The following RBFOX1 variants were observed in gnomAD, a reference collection of about 807,000 sequenced individuals.
The protein encoded by RBFOX1 is RNA binding fox-1 homolog 1.
Under a neutral mutation model 57.7 loss-of-function variants are expected in RBFOX1, and 8 were observed. The observed-to-expected ratio is 0.14, with a 90% confidence interval of 0.08 to 0.25. RBFOX1 has a LOEUF of 0.25. Ranked by LOEUF, RBFOX1 falls within the 10% of genes least tolerant of loss-of-function variation. RBFOX1 has a pLI of 1.00. For missense variants in RBFOX1, 611 were observed against 548.5 expected, an observed-to-expected ratio of 1.11 and a Z score of -1.14; for synonymous variants, 326 against 222.4, an observed-to-expected ratio of 1.47 and a Z score of -4.15.
rs76431874 is a variant in RBFOX1, at chr16:7,106,796, C to T, written c.27+54698C>T. 3.2e-3 allele frequency among the ~76,000 whole-genome samples: 490 copies of T among 151,844 alleles called. 5 individuals are homozygous for T. Among genetic ancestry groups the T allele is most frequent in the African/African-American group, 0.011 (456 of 41,390 alleles). ...TTAGAGAGTGACGTGACCAGATGCC[C>T]TAAAAGGTGTCTGCTGGACAGCATT... On this transcript the variant is annotated intron_variant, in intron 4 of 15. Coordinates refer to ENST00000550418, the MANE Select transcript of RBFOX1 (RefSeq NM_018723.4).
At chr16:6,967,116 C>T (rs2084428234) in intron 3 of RBFOX1, among the ~76,000 whole-genome samples, 1 of 152,070 alleles carries the variant, frequency 6.6e-6, no homozygotes, top group Non-Finnish European at 1.5e-5. Flanking sequence ...CTCATTCATC[C>T]ATTACTTATC....
chr16:6,034,573 A>G (rs527751798), intron 1 of RBFOX1, among the ~76,000 whole-genome samples: 1 of 152,038 alleles, frequency 6.6e-6, no homozygotes, highest in Non-Finnish European at 1.5e-5. Flanking sequence ...TAAGGTTCCC[A>G]TCTAAGCATG....
chr16:5,913,823 C>T (rs763506260), intron 4 of RBFOX1, among the ~76,000 whole-genome samples: 3 of 152,238 alleles, frequency 2.0e-5, no homozygotes, highest in Admixed American at 2.0e-4. Context: ...TAACAGCTAA[C>T]ATTGTCTTCG....
intron 4 of RBFOX1, among the ~76,000 whole-genome samples, chr16:7,480,972 C>G (rs2063792925): frequency 6.6e-6 from 1 of 152,138 alleles, no homozygotes; most frequent in African/African-American, 2.4e-5. Flanking sequence ...TTTTCCACAG[C>G]TTATAGGGCT....
At chr16:7,222,126 G>C (rs932154640) in intron 4 of RBFOX1, among the ~76,000 whole-genome samples, 1 of 152,148 alleles carries the variant, frequency 6.6e-6, no homozygotes, top group Non-Finnish European at 1.5e-5. Flanking sequence ...GAGGATTTCA[G>C]CTAAAAAAAG....
intron 4 of RBFOX1, among the ~76,000 whole-genome samples, chr16:7,305,133 G>A (rs897354997): frequency 2.6e-5 from 4 of 152,020 alleles, no homozygotes; most frequent in African/African-American, 7.3e-5. Flanking sequence ...GTGTGTGTGC[G>A]TGTGTGGGTT....
chr16:7,153,551 T>G (rs1374149517), intron 4 of RBFOX1, among the ~76,000 whole-genome samples: 1 of 150,560 alleles, frequency 6.6e-6, no homozygotes, highest in African/African-American at 2.4e-5. Flanking sequence ...CCTGGCCAAA[T>G]AGTGAAACCC....
intron 4 of RBFOX1, among the ~76,000 whole-genome samples, chr16:7,076,882 C>A (rs547954088): frequency 6.6e-6 from 1 of 152,280 alleles, no homozygotes; most frequent in East Asian, 1.9e-4. Flanking sequence ...CTCTGGAGAC[C>A]AGTGAACAGA....
At chr16:7,093,967 A>G (rs1002121450) in intron 4 of RBFOX1, among the ~76,000 whole-genome samples, 3 of 151,758 alleles carry the variant, frequency 2.0e-5, no homozygotes, top group African/African-American at 7.3e-5. Context: ...TTTAAACAAA[A>G]CCTGGTGAGT....
chr16:6,455,834 T>G (rs1317048443), intron 2 of RBFOX1, among the ~76,000 whole-genome samples: 1 of 152,190 alleles, frequency 6.6e-6, no homozygotes, highest in African/African-American at 2.4e-5. Flanking sequence ...AAGGTGCAGA[T>G]TCAATAAACC....
chr16:7,102,564 G>T (rs545885427), intron 4 of RBFOX1, among the ~76,000 whole-genome samples: 2 of 152,274 alleles, frequency 1.3e-5, no homozygotes, highest in African/African-American at 2.4e-5. Context: ...GCTTGGATAT[G>T]GATCATTTGC....
At chr16:7,457,625 T>G (rs2058776510) in intron 4 of RBFOX1, among the ~76,000 whole-genome samples, 1 of 152,144 alleles carries the variant, frequency 6.6e-6, no homozygotes, top group Non-Finnish European at 1.5e-5. Context: ...CCTTGTGAAG[T>G]GTTTTAAATC....
chr16:5,859,191 C>T (rs957795608), intron 3 of RBFOX1, among the ~76,000 whole-genome samples: 14 of 152,102 alleles, frequency 9.2e-5, no homozygotes, highest in African/African-American at 2.7e-4. Context: ...GGCGACACAG[C>T]GAGACTCTGT....
At chr16:6,639,867 A>G (rs2098473084) in intron 2 of RBFOX1, among the ~76,000 whole-genome samples, 1 of 152,194 alleles carries the variant, frequency 6.6e-6, no homozygotes, top group South Asian at 2.1e-4. Flanking sequence ...CAACAGAGTG[A>G]GACTGTGTCT....
At chr16:7,151,476 A>T (rs2076095911) in intron 4 of RBFOX1, among the ~76,000 whole-genome samples, 1 of 152,110 alleles carries the variant, frequency 6.6e-6, no homozygotes, top group Non-Finnish European at 1.5e-5. Context: ...CTGAGTGCTG[A>T]CTTCATTCTG....
chr16:7,027,950 A>G (rs1220283050), intron 3 of RBFOX1, among the ~76,000 whole-genome samples: 1 of 151,326 alleles, frequency 6.6e-6, no homozygotes, highest in African/African-American at 2.4e-5. Context: ...AGAGAAGGGG[A>G]AGGAAAAGGA....
rs142984069 is a variant in RBFOX1, at chr16:5,968,667, A to T, written c.351+101332A>T. ...CTAGTAATTTGCAATCCTATCCTTGACAAAGGACACTTGAGAACACTATTT... is the reference window on the plus strand; with the variant it reads ...CTAGTAATTTGCAATCCTATCCTTGTCAAAGGACACTTGAGAACACTATTT... On this transcript the variant is annotated intron_variant, in intron 4 of 19. Coordinates refer to the RBFOX1 transcript ENST00000641259. Among the ~76,000 whole-genome samples, 41 of 152,142 alleles carry T rather than the reference A, an allele frequency of 2.7e-4. No homozygotes were observed. In the East Asian group the frequency reaches 7.9e-3, roughly 29 times the overall value.
At chr16:7,600,540 G>A (rs1349132485) in intron 9 of RBFOX1, among the ~76,000 whole-genome samples, 1 of 152,156 alleles carries the variant, frequency 6.6e-6, no homozygotes, top group Non-Finnish European at 1.5e-5. Flanking sequence ...ACATTGAAAT[G>A]AGAAAATTAA....
intron 2 of RBFOX1, among the ~76,000 whole-genome samples, chr16:5,525,735 T>G (rs1407068951): frequency 1.3e-5 from 2 of 151,978 alleles, no homozygotes; most frequent in Admixed American, 6.6e-5. Flanking sequence ...TGACCTCAGG[T>G]GATCCACCCT....
Sources: allele counts gnomAD v4.1 joint callset (sites outside exome capture counted in the v4.1 genomes callset), GRCh38; gene constraint gnomAD v4.1.1; transcripts MANE v1.5; gene names NCBI Gene and HGNC (gene_info 2026-07-23, HGNC 2026-07-21).